Variants in EPHA5 observed in about 807,000 individuals in gnomAD.
The protein encoded by EPHA5 is ephrin type-A receptor 5.
Under a neutral mutation model 105.0 loss-of-function variants are expected in EPHA5, and 60 were observed. The observed-to-expected ratio is 0.57, with a 90% CI of 0.46 to 0.71. EPHA5 has a LOEUF of 0.71. Among genes scored for constraint, EPHA5 ranks in the 30% least tolerant of loss-of-function variants. The pLI, the probability that EPHA5 is intolerant of heterozygous loss-of-function variation, is 0.00. For missense variants in EPHA5, 1,218 were observed against 1,274.7 expected (o/e 0.96, Z 0.68); for synonymous variants, 513 against 449.1 (o/e 1.14, Z -1.80).
intron 5 of EPHA5, among the ~76,000 whole-genome samples, chr4:65,439,858 A>C (rs1725845414): frequency 6.6e-6 from 1 of 152,086 alleles, no homozygotes; most frequent in African/African-American, 2.4e-5. Context: ...GATTTAGATA[A>C]ACTAGTGCCT....
intron 1 of EPHA5, among the ~76,000 whole-genome samples, chr4:65,652,231 G>A (rs1748675800): frequency 6.6e-6 from 1 of 152,044 alleles, no homozygotes; most frequent in Non-Finnish European, 1.5e-5. Flanking sequence ...AAATAAATGT[G>A]CATATTCACA....
At chr4:65,490,269 G>A in intron 5 of EPHA5, 108 bp downstream of exon 5, 1 of 1,100,892 alleles carries the variant, frequency 9.1e-7, no homozygotes, top group Non-Finnish European at 1.3e-6. Context: ...TGACCTTCCG[G>A]TTGAGGGAAA....
intron 7 of EPHA5, among the ~76,000 whole-genome samples, chr4:65,405,902 CCTT>C (rs1489615987): frequency 6.6e-6 from 1 of 151,928 alleles, no homozygotes; most frequent in Non-Finnish European, 1.5e-5. Context: ...CTCTCTTTCT[CCTT>C]CTTTTTTTGG....
intron 5 of EPHA5, among the ~76,000 whole-genome samples, chr4:65,489,087 C>T (rs1049068034): frequency 1.3e-5 from 2 of 151,772 alleles, no homozygotes; most frequent in African/African-American, 4.8e-5. Flanking sequence ...TTAGTAGAGA[C>T]GGGGTTTCAC....
At chr4:65,470,608 G>A (rs1729194695) in intron 5 of EPHA5, among the ~76,000 whole-genome samples, 1 of 152,120 alleles carries the variant, frequency 6.6e-6, no homozygotes, top group Non-Finnish European at 1.5e-5. Flanking sequence ...TATAGAGTTG[G>A]ATATTTTTCT....
At chr4:65,528,305 T>C (rs1735435388) in intron 3 of EPHA5, among the ~76,000 whole-genome samples, 1 of 152,096 alleles carries the variant, frequency 6.6e-6, no homozygotes, top group South Asian at 2.1e-4. Flanking sequence ...AATCTAAAAT[T>C]AAACTGAAAT....
intron 8 of EPHA5, among the ~76,000 whole-genome samples, chr4:65,387,752 T>A (rs934647592): frequency 4.6e-5 from 7 of 151,962 alleles, no homozygotes; most frequent in Non-Finnish European, 8.8e-5. Flanking sequence ...ATGGAAGTCA[T>A]ACAAATGTAG....
At chr4:65,332,618 T>TGGG (rs1720741638) in intron 15 of EPHA5, among the ~76,000 whole-genome samples, 5 of 88,764 alleles carry the variant, frequency 5.6e-5, no homozygotes, top group African/African-American at 8.1e-5. Flanking sequence ...AATGGGGTGG[T>TGGG]GGGGGGTGGG....
At chr4:65,352,257 T>A (rs1722888048) in intron 12 of EPHA5, among the ~76,000 whole-genome samples, 1 of 151,928 alleles carries the variant, frequency 6.6e-6, no homozygotes, top group African/African-American at 2.4e-5. Context: ...GGAAGAAAAA[T>A]TTGACTTTTC....
At chr4:65,637,158 T>C (rs1181960936) in intron 2 of EPHA5, among the ~76,000 whole-genome samples, 1 of 150,700 alleles carries the variant, frequency 6.6e-6, no homozygotes, top group Non-Finnish European at 1.5e-5. Flanking sequence ...AAAATTCAAA[T>C]GGCATTTCCT....
intron 8 of EPHA5, among the ~76,000 whole-genome samples, chr4:65,378,512 A>C (rs1362408374): frequency 6.6e-6 from 1 of 151,932 alleles, no homozygotes; most frequent in Non-Finnish European, 1.5e-5. Context: ...TCGTTGCAGC[A>C]CTCAGATTAG....
intron 8 of EPHA5, among the ~76,000 whole-genome samples, chr4:65,372,755 A>C (rs895752199): frequency 2.0e-5 from 3 of 151,860 alleles, no homozygotes; most frequent in Non-Finnish European, 2.9e-5. Flanking sequence ...AAGCTAAATT[A>C]TATCTTACTT....
At chr4:65,617,465 C>A (rs934421600) in intron 2 of EPHA5, among the ~76,000 whole-genome samples, 3 of 152,080 alleles carry the variant, frequency 2.0e-5, no homozygotes, top group African/African-American at 7.2e-5. Flanking sequence ...AATGAAAATG[C>A]CAACAGCGAT....
chr4:65,580,299 A>G (rs1176592717), intron 3 of EPHA5, among the ~76,000 whole-genome samples: 1 of 151,930 alleles, frequency 6.6e-6, no homozygotes, highest in Non-Finnish European at 1.5e-5. Flanking sequence ...ACAAACCTAC[A>G]GAGCCAATAA....
chr4:65,376,572 T>A (rs1483192901), intron 8 of EPHA5, among the ~76,000 whole-genome samples: 1 of 152,024 alleles, frequency 6.6e-6, no homozygotes, highest in Non-Finnish European at 1.5e-5. Flanking sequence ...CACAATGATA[T>A]GACAATAGAA....
intron 3 of EPHA5, among the ~76,000 whole-genome samples, 153 bp from the exon 4 acceptor site, chr4:65,495,696 A>G (rs1200775476): frequency 6.6e-6 from 1 of 152,246 alleles, no homozygotes; most frequent in Non-Finnish European, 1.5e-5. Context: ...TCTGGATCAT[A>G]AATACCAGGC....
intron 16 of EPHA5, among the ~76,000 whole-genome samples, chr4:65,325,668 A>G (rs1046047520): frequency 6.6e-6 from 1 of 151,366 alleles, no homozygotes; most frequent in Non-Finnish European, 1.5e-5. Flanking sequence ...CAAAATCATT[A>G]TTATTAATAA....
At chr4:65,393,548 A>G (rs939665022) in intron 8 of EPHA5, among the ~76,000 whole-genome samples, 21 of 152,170 alleles carry the variant, frequency 1.4e-4, no homozygotes, top group African/African-American at 5.1e-4. Context: ...CTACTTTTCA[A>G]TATCACAGTG....
chr4:65,328,340 C>T (rs1029392911), intron 16 of EPHA5, among the ~76,000 whole-genome samples: 3 of 150,996 alleles, frequency 2.0e-5, no homozygotes, highest in African/African-American at 7.3e-5. Flanking sequence ...TAATATTAAA[C>T]AATGGAAAAA....
Sources: gnomAD v4.1 joint callset for allele counts (sites outside exome capture counted in the v4.1 genomes callset) on GRCh38, gnomAD v4.1.1 for gene constraint, MANE v1.5 for transcripts, NCBI Gene and HGNC (gene_info 2026-07-23, HGNC 2026-07-21) for gene names.